Variants in SDK1 observed in about 807,000 individuals in gnomAD.
SDK1 encodes the protein protein sidekick-1.
SDK1 carries 157 observed loss-of-function variants against 245.5 expected under a neutral mutation model. The observed-to-expected ratio is 0.64, with a 90% CI of 0.56 to 0.73. SDK1 has a LOEUF of 0.73. SDK1 is among the 30% of genes least tolerant of loss of function. SDK1 has a pLI of 0.00. For synonymous variants in SDK1, 1,647 were observed against 1,278.5 expected (o/e 1.29, Z -6.15); for missense variants, 3,583 against 3,002.3 (o/e 1.19, Z -4.52).
At chr7:4,082,395 C>G (rs1188666069) in intron 22 of SDK1, among the ~76,000 whole-genome samples, 2 of 151,892 alleles carry the variant, frequency 1.3e-5, no homozygotes, top group Non-Finnish European at 2.9e-5. Context: ...ATTAGCCAGG[C>G]ATGGTGGCGC....
At chr7:3,341,465 C>A (rs190893123) in intron 1 of SDK1, among the ~76,000 whole-genome samples, 1 of 152,182 alleles carries the variant, frequency 6.6e-6, no homozygotes, top group African/African-American at 2.4e-5. Flanking sequence ...TTCAGTCTTA[C>A]CTTTGCTGTC....
intron 5 of SDK1, among the ~76,000 whole-genome samples, chr7:3,924,032 A>G (rs529149201): frequency 2.6e-5 from 4 of 151,840 alleles, no homozygotes; most frequent in Non-Finnish European, 5.9e-5. Flanking sequence ...GGATATTTCT[A>G]TAGAGATTTA....
At chr7:3,338,962 C>G (rs1780274785) in intron 1 of SDK1, among the ~76,000 whole-genome samples, 1 of 152,132 alleles carries the variant, frequency 6.6e-6, no homozygotes, top group African/African-American at 2.4e-5. Flanking sequence ...GCTTGTCATA[C>G]TAATAATTGG....
At chr7:3,783,461 C>A (rs59059159) in intron 4 of SDK1, among the ~76,000 whole-genome samples, 2 of 149,208 alleles carry the variant, frequency 1.3e-5, no homozygotes, top group Non-Finnish European at 2.9e-5. Flanking sequence ...ATAGAAAATG[C>A]TACAGACCCC....
At chr7:3,533,780 C>G (rs906629651) in intron 1 of SDK1, among the ~76,000 whole-genome samples, 10 of 151,760 alleles carry the variant, frequency 6.6e-5, no homozygotes, top group Non-Finnish European at 1.5e-4. Flanking sequence ...GGCTGCTTCC[C>G]CCGCCCCCCA....
At chr7:3,690,992 T>C (rs2114995549) in intron 4 of SDK1, among the ~76,000 whole-genome samples, 1 of 152,326 alleles carries the variant, frequency 6.6e-6, no homozygotes. Context: ...AAAGACAGTG[T>C]GTTTGCCCTC....
intron 14 of SDK1, among the ~76,000 whole-genome samples, chr7:4,008,613 A>G (rs960241757): frequency 2.6e-5 from 4 of 152,204 alleles, no homozygotes; most frequent in Non-Finnish European, 5.9e-5. Flanking sequence ...TCTGTAATGA[A>G]CTAGAAAGTT....
At position 3,967,459 on chromosome 7, in the gene SDK1, C is replaced by T. The variant is rs552995000; in HGVS notation, c.1546+25C>T. ...GGTGGGTAGCATCCACTGCCCACAA[C>T]AGCATGGCCCATGTAGAACATAACC... On this transcript the variant is annotated intron_variant, in intron 10 of 44. Transcript: ENST00000404826. 242 of 1,379,260 alleles carry T rather than the reference C, an allele frequency of 1.8e-4. 2 individuals carry two copies. The South Asian group carries it at 2.7e-3, about 15-fold the overall frequency. The allele number at this position is 1,379,260 out of a possible 1,614,324, so 85.4% of individuals were successfully genotyped here. A position where few individuals can be genotyped will look rare whatever the true frequency, so the allele number is the denominator to read the frequency against.
intron 5 of SDK1, among the ~76,000 whole-genome samples, chr7:3,892,982 C>T (rs575925097): frequency 4.1e-4 from 63 of 152,234 alleles, no homozygotes; most frequent in African/African-American, 1.3e-3. Context: ...CCCAGGAGGC[C>T]GAGCTGCAGT....
chr7:3,428,600 A>G (rs889267030), intron 1 of SDK1, among the ~76,000 whole-genome samples: 11 of 152,196 alleles, frequency 7.2e-5, no homozygotes, highest in Admixed American at 6.5e-5. Context: ...AATTATTAGC[A>G]TGTGTATTTA....
At chr7:3,357,907 G>C (rs1190346676) in intron 1 of SDK1, among the ~76,000 whole-genome samples, 2 of 152,122 alleles carry the variant, frequency 1.3e-5, no homozygotes. Flanking sequence ...AATTACATTT[G>C]CTTTAAAAAT....
At chr7:3,729,844 C>T (rs559437083) in intron 4 of SDK1, among the ~76,000 whole-genome samples, 5 of 151,460 alleles carry the variant, frequency 3.3e-5, no homozygotes, top group African/African-American at 4.9e-5. Flanking sequence ...CCTCGGTTCT[C>T]GGCCTTTTGG....
At chr7:3,495,941 C>G (rs1007116150) in intron 1 of SDK1, among the ~76,000 whole-genome samples, 5 of 152,146 alleles carry the variant, frequency 3.3e-5, no homozygotes, top group Non-Finnish European at 7.3e-5. Flanking sequence ...TTCACAGATT[C>G]CAGAAGAATT....
chr7:3,702,760 T>A (rs1045753211), intron 4 of SDK1, among the ~76,000 whole-genome samples: 3 of 152,228 alleles, frequency 2.0e-5, no homozygotes, highest in African/African-American at 7.2e-5. Context: ...ATTAGAAAGA[T>A]GGTTCAAGTT....
chr7:4,100,141 GA>G (rs1782438690), intron 22 of SDK1, among the ~76,000 whole-genome samples: 2 of 152,298 alleles, frequency 1.3e-5, no homozygotes, highest in African/African-American at 4.8e-5. Flanking sequence ...TATTAGCAGG[GA>G]ATCACCCAAC....
In SDK1 at chr7:4,268,035, G is replaced by C; in HGVS notation, c.*2651G>C. On this transcript the variant is annotated 3_prime_UTR_variant, in exon 45 of 45. Coordinates refer to ENST00000404826, the MANE Select transcript of SDK1 (RefSeq NM_152744.4). ...ATCACAGCCTAGGAAGATGGAGGTT[G>C]GATTTTAATCTCGGTTTTAAAAAGA... 4 of 985,276 alleles carry C rather than the reference G, an allele frequency of 4.1e-6. No individual in the cohort carries two copies. Among genetic ancestry groups the C allele is most frequent in the Non-Finnish European group, 3.6e-6 (3 of 829,776 alleles). The allele number at this position is 985,276 out of a possible 1,614,324, so 61.0% of individuals were successfully genotyped here. A position where few individuals can be genotyped will look rare whatever the true frequency, so the allele number is the denominator to read the frequency against.
chr7:4,253,942 T>C (rs1329942703), intron 44 of SDK1, among the ~76,000 whole-genome samples: 3 of 152,190 alleles, frequency 2.0e-5, no homozygotes, highest in African/African-American at 7.2e-5. Flanking sequence ...ATTTTCCAAA[T>C]ATATCATTTT....
intron 1 of SDK1, among the ~76,000 whole-genome samples, chr7:3,518,813 G>T (rs929024215): frequency 3.9e-5 from 6 of 152,094 alleles, no homozygotes; most frequent in Non-Finnish European, 7.4e-5. Flanking sequence ...CCAGAGGAAA[G>T]GAAATCAGTT....
At chr7:4,066,965 A>T (rs549226528) in intron 19 of SDK1, among the ~76,000 whole-genome samples, 1 of 152,216 alleles carries the variant, frequency 6.6e-6, no homozygotes, top group East Asian at 1.9e-4. Context: ...GCATCCTCTG[A>T]TCCTAGGAAT....
Sources: allele counts gnomAD v4.1 joint callset (sites outside exome capture counted in the v4.1 genomes callset), GRCh38; gene constraint gnomAD v4.1.1; transcripts MANE v1.5; gene names NCBI Gene and HGNC (gene_info 2026-07-23, HGNC 2026-07-21).